Variants in PCCA observed in about 807,000 individuals in gnomAD.
PCCA encodes the protein propionyl-CoA carboxylase alpha chain, mitochondrial.
PCCA carries 74 observed loss-of-function variants against 101.3 expected under a neutral mutation model. The ratio of observed to expected loss-of-function variants is 0.73; its 90% CI spans 0.61 to 0.89. The LOEUF is 0.89. PCCA is among the 40% of genes least tolerant of loss of function. The probability of loss-of-function intolerance (pLI) is 0.00; values close to 1 mark genes in which losing one functional copy is unlikely to be tolerated. For missense variants in PCCA, 891 were observed against 907.0 expected (o/e 0.98, Z 0.23); for synonymous variants, 294 against 313.6 (o/e 0.94, Z 0.66).
At chr13:100,258,156 TC>T (rs1421824057) in intron 9 of PCCA, among the ~76,000 whole-genome samples, 2 of 152,206 alleles carry the variant, frequency 1.3e-5, no homozygotes, top group Non-Finnish European at 2.9e-5. Context: ...ATATTCTTTT[TC>T]CTTGAGTTTG....
At chr13:100,210,197 C>CA (rs1339619521) in intron 7 of PCCA, among the ~76,000 whole-genome samples, 1 of 152,166 alleles carries the variant, frequency 6.6e-6, no homozygotes, top group African/African-American at 2.4e-5. Context: ...AGGCTGGTCT[C>CA]AAACTCCTGG....
intron 21 of PCCA, among the ~76,000 whole-genome samples, chr13:100,467,942 C>T (rs1596032934): frequency 6.6e-6 from 1 of 152,306 alleles, no homozygotes; most frequent in Non-Finnish European, 1.5e-5. Flanking sequence ...ACTGTGGCAG[C>T]TGTAGTCTTC....
intron 21 of PCCA, among the ~76,000 whole-genome samples, chr13:100,503,580 T>A (rs2085846216): frequency 6.6e-6 from 1 of 152,026 alleles, no homozygotes; most frequent in Non-Finnish European, 1.5e-5. Context: ...GGATGTTGAA[T>A]GGCCAAAGAT....
rs1382320974 is a variant in PCCA, at chr13:100,530,409, A to C, written c.*243A>C. The C allele has an allele frequency of 2.4e-5, 14 of 588,694 alleles. No homozygotes were observed. The Admixed American group carries it at 3.7e-4, about 16-fold the overall frequency. The allele number at this position is 588,694 out of a possible 1,614,324, so 36.5% of individuals were successfully genotyped here. A position where few individuals can be genotyped will look rare whatever the true frequency, so the allele number is the denominator to read the frequency against. ...TGAGATTCCCTAGTGTCAAAATTAA[A>C]TCAATAAAACTGAGCATTTGTCTAA... On this transcript the variant is annotated 3_prime_UTR_variant, in exon 24 of 24. Transcript: ENST00000376285.
At chr13:100,194,668 C>T (rs964697600) in intron 6 of PCCA, among the ~76,000 whole-genome samples, 1 of 152,200 alleles carries the variant, frequency 6.6e-6, no homozygotes, top group African/African-American at 2.4e-5. Flanking sequence ...ATCTGCCCAC[C>T]TTGGCCTCCC....
chr13:100,159,897 G>T (rs371168131), intron 6 of PCCA, among the ~76,000 whole-genome samples: 1 of 152,156 alleles, frequency 6.6e-6, no homozygotes, highest in Non-Finnish European at 1.5e-5. Flanking sequence ...CGGGGAAAGG[G>T]TTCTAGATCC....
intron 6 of PCCA, among the ~76,000 whole-genome samples, chr13:100,206,411 C>T (rs2058855509): frequency 1.3e-5 from 2 of 152,028 alleles, no homozygotes; most frequent in Admixed American, 1.3e-4. Flanking sequence ...GGATTACAGG[C>T]GTGCACCACC....
chr13:100,284,181 C>T (rs561907633), intron 12 of PCCA, among the ~76,000 whole-genome samples: 48 of 152,344 alleles, frequency 3.2e-4, no homozygotes, highest in Non-Finnish European at 5.7e-4. Context: ...GGTATTTCTC[C>T]CACCTCCTCA....
intron 6 of PCCA, among the ~76,000 whole-genome samples, chr13:100,167,426 T>C (rs1248787716): frequency 6.6e-6 from 1 of 152,224 alleles, no homozygotes; most frequent in East Asian, 1.9e-4. Flanking sequence ...GGCATGCAGC[T>C]GTAGTCCTAG....
chr13:100,418,259 G>T (rs977192506), intron 19 of PCCA, among the ~76,000 whole-genome samples: 1 of 152,182 alleles, frequency 6.6e-6, no homozygotes, highest in African/African-American at 2.4e-5. Context: ...CCTTACCATG[G>T]CTGGTGAACG....
chr13:100,173,925 C>T (rs962125293), intron 6 of PCCA, among the ~76,000 whole-genome samples: 9 of 152,190 alleles, frequency 5.9e-5, no homozygotes, highest in East Asian at 3.9e-4. Context: ...GCCTTTACTC[C>T]GCCTTCACTT....
At chr13:100,275,050 AGGGGGTGGGGGGGG>A (rs2063548096) in intron 12 of PCCA, among the ~76,000 whole-genome samples, 1 of 852 alleles carries the variant, frequency 1.2e-3, no homozygotes, top group African/African-American at 4.5e-3. Flanking sequence ...CCCTTGGGGG[AGGGGGTGGGGGGGG>A]AGGGGGTGTT....
At chr13:100,128,165 G>T (rs967722130) in intron 4 of PCCA, among the ~76,000 whole-genome samples, 1 of 152,162 alleles carries the variant, frequency 6.6e-6, no homozygotes, top group Non-Finnish European at 1.5e-5. Context: ...TCTTCGGGTT[G>T]CCAAAGATCA....
At chr13:100,422,425 A>G (rs943497395) in intron 19 of PCCA, among the ~76,000 whole-genome samples, 4 of 152,184 alleles carry the variant, frequency 2.6e-5, no homozygotes, top group Non-Finnish European at 5.9e-5. Context: ...GGCGTGAGCC[A>G]CCATGCCTGG....
In PCCA at chr13:100,452,236, G is replaced by C. The variant is rs1260823208; in HGVS notation, c.1899+2931G>C. Among the ~76,000 whole-genome samples the C allele has an allele frequency of 2.1e-5, 3 of 143,832 alleles. No homozygotes were observed. In the East Asian group the frequency reaches 6.2e-4, roughly 30 times the overall value. The allele number at this position is 143,832 out of a possible 152,430, so 94.4% of individuals were successfully genotyped here. ...CTCTCCTTTTCTCTTTTCCCCATCT[G>C]TCTCTCCCTGTCTCCCTCTCCCCTG... is the stretch of plus-strand genomic sequence containing the variant. On this transcript the variant is annotated intron_variant, in intron 21 of 23. Coordinates refer to ENST00000376285, the MANE Select transcript of PCCA (RefSeq NM_000282.4).
chr13:100,230,981 T>C (rs1329029812), intron 7 of PCCA, among the ~76,000 whole-genome samples: 8 of 152,176 alleles, frequency 5.3e-5, no homozygotes, highest in African/African-American at 1.9e-4. Flanking sequence ...AGGCCCAGCC[T>C]TCCCCTCGCC....
intron 21 of PCCA, among the ~76,000 whole-genome samples, chr13:100,507,323 C>G (rs994374539): frequency 2.0e-5 from 3 of 152,218 alleles, no homozygotes; most frequent in African/African-American, 7.2e-5. Context: ...TTGGGCCAGG[C>G]AGAGGCTGGG....
intron 21 of PCCA, among the ~76,000 whole-genome samples, chr13:100,488,042 T>G (rs1011410657): frequency 1.3e-5 from 2 of 151,886 alleles, no homozygotes; most frequent in Non-Finnish European, 2.9e-5. Flanking sequence ...TATGTATATA[T>G]ATATATTTTT....
chr13:100,116,108 G>A (rs767602208), intron 4 of PCCA, among the ~76,000 whole-genome samples: 4 of 152,142 alleles, frequency 2.6e-5, no homozygotes, highest in Admixed American at 1.3e-4. Flanking sequence ...TCCTCAGCAC[G>A]TGATCACAGA....
Sources: gnomAD v4.1 joint callset for allele counts (sites outside exome capture counted in the v4.1 genomes callset) on GRCh38, gnomAD v4.1.1 for gene constraint, MANE v1.5 for transcripts, NCBI Gene and HGNC (gene_info 2026-07-23, HGNC 2026-07-21) for gene names.